Variants in TMEM135 observed in about 807,000 individuals in gnomAD.
TMEM135 encodes the protein peroxisomal membrane protein 52.
A neutral mutation model predicts 60.3 loss-of-function variants in TMEM135; 30 were observed. That is an observed-to-expected ratio of 0.50 (90% CI 0.37 to 0.68). The LOEUF is 0.68. Ranked by LOEUF, TMEM135 falls within the 30% of genes least tolerant of loss-of-function variation. The pLI, the probability that TMEM135 is intolerant of heterozygous loss-of-function variation, is 0.00. For synonymous variants in TMEM135, 190 were observed against 186.7 expected, an observed-to-expected ratio of 1.02 and a Z score of -0.14; for missense variants, 468 against 548.8, an observed-to-expected ratio of 0.85 and a Z score of 1.47.
intron 7 of TMEM135, among the ~76,000 whole-genome samples, chr11:87,297,067 A>C (rs1311178321): frequency 6.6e-6 from 1 of 152,210 alleles, no homozygotes; most frequent in Non-Finnish European, 1.5e-5. Context: ...GTCTGGCCGC[A>C]GTATTTGAGA....
At chr11:87,313,209 T>C (rs1177096382) in intron 10 of TMEM135, among the ~76,000 whole-genome samples, 1 of 151,842 alleles carries the variant, frequency 6.6e-6, no homozygotes, top group Non-Finnish European at 1.5e-5. Context: ...AATAAAAATA[T>C]TATGTGTAAT....
At chr11:87,179,337 T>G (rs1939459064) in intron 5 of TMEM135, among the ~76,000 whole-genome samples, 1 of 152,206 alleles carries the variant, frequency 6.6e-6, no homozygotes, top group Non-Finnish European at 1.5e-5. Context: ...TGTTTTCACT[T>G]TCTAAATAGT....
chr11:87,065,659 T>G (rs1856637667), intron 1 of TMEM135, among the ~76,000 whole-genome samples: 2 of 152,188 alleles, frequency 1.3e-5, no homozygotes, highest in Admixed American at 6.5e-5. Flanking sequence ...GAGAAAAAGT[T>G]TGAATTTTGA....
intron 1 of TMEM135, among the ~76,000 whole-genome samples, chr11:87,047,452 T>G (rs1272730699): frequency 6.6e-6 from 1 of 151,080 alleles, no homozygotes; most frequent in Non-Finnish European, 1.5e-5. Flanking sequence ...CAGGCCAGTG[T>G]GTGCGCGCAC....
At chr11:87,122,052 C>G (rs35470495) in intron 4 of TMEM135, among the ~76,000 whole-genome samples, 20,505 of 152,150 alleles carry the variant, frequency 0.13, 1,818 homozygotes, top group Middle Eastern at 0.2. Context: ...CTTGGCACAT[C>G]AACAGCGAAG....
At chr11:87,211,035 A>C (rs1481147364) in intron 5 of TMEM135, among the ~76,000 whole-genome samples, 1 of 152,216 alleles carries the variant, frequency 6.6e-6, no homozygotes, top group African/African-American at 2.4e-5. Context: ...CCCATAGCCA[A>C]TGTCATACTG....
intron 5 of TMEM135, among the ~76,000 whole-genome samples, chr11:87,199,427 C>T (rs1940044351): frequency 6.6e-6 from 1 of 152,150 alleles, no homozygotes; most frequent in African/African-American, 2.4e-5. Context: ...ATGGCCTCTA[C>T]CCAGAGCTCT....
At chr11:87,086,375 C>T (rs1857096424) in intron 3 of TMEM135, among the ~76,000 whole-genome samples, 1 of 152,170 alleles carries the variant, frequency 6.6e-6, no homozygotes, top group Admixed American at 6.6e-5. Context: ...TCTACGTGGC[C>T]CGCCTGTGTT....
chr11:87,309,772 T>G, intron 10 of TMEM135, 100 bp downstream of exon 10: 2 of 1,276,832 alleles, frequency 1.6e-6, no homozygotes, highest in Non-Finnish European at 2.2e-6. Context: ...AATGCTTCTT[T>G]CTGGAATATT....
chr11:87,076,811 A>G (rs926392453), intron 3 of TMEM135, among the ~76,000 whole-genome samples: 1 of 152,122 alleles, frequency 6.6e-6, no homozygotes, highest in African/African-American at 2.4e-5. Flanking sequence ...GGCCCAAGGT[A>G]TGTCTAGAAA....
intron 5 of TMEM135, among the ~76,000 whole-genome samples, chr11:87,192,907 GAGTTCAAGGCCAGC>G (rs1939846660): frequency 6.6e-6 from 1 of 152,138 alleles, no homozygotes; most frequent in Non-Finnish European, 1.5e-5. Flanking sequence ...TTGAGATCAG[GAGTTCAAGGCCAGC>G]CTGGCCAACA....
intron 1 of TMEM135, among the ~76,000 whole-genome samples, chr11:87,043,243 C>A (rs1212964731): frequency 6.6e-6 from 1 of 152,010 alleles, no homozygotes; most frequent in Non-Finnish European, 1.5e-5. Flanking sequence ...GAGTGAGCCA[C>A]TGGGCCCAGC....
intron 5 of TMEM135, among the ~76,000 whole-genome samples, chr11:87,171,768 C>T (rs1034830605): frequency 3.3e-5 from 5 of 152,122 alleles, no homozygotes; most frequent in African/African-American, 9.7e-5. Context: ...CCGGCTTCGT[C>T]GAAGACAATT....
chr11:87,206,275 A>T (rs1413208808), intron 5 of TMEM135, among the ~76,000 whole-genome samples: 1 of 152,206 alleles, frequency 6.6e-6, no homozygotes, highest in Non-Finnish European at 1.5e-5. Flanking sequence ...AATAGTAGTA[A>T]TACATGTATA....
intron 5 of TMEM135, among the ~76,000 whole-genome samples, chr11:87,216,353 C>A (rs754911203): frequency 6.6e-6 from 1 of 151,978 alleles, no homozygotes; most frequent in African/African-American, 2.4e-5. Context: ...TGCCTCTGAA[C>A]CTTTTTTTTT....
chr11:87,208,270 G>A (rs1363100159), intron 5 of TMEM135, among the ~76,000 whole-genome samples: 1 of 152,150 alleles, frequency 6.6e-6, no homozygotes, highest in African/African-American at 2.4e-5. Context: ...TGTGTGGCAA[G>A]GAAGCTCATC....
At chr11:87,103,436 T>G (rs75748112) in intron 4 of TMEM135, among the ~76,000 whole-genome samples, 1 of 151,976 alleles carries the variant, frequency 6.6e-6, no homozygotes, top group African/African-American at 2.4e-5. Flanking sequence ...TAATTTTTAG[T>G]GATGTTGAGC....
chr11:87,260,961 G>A (rs1300114020), intron 6 of TMEM135, among the ~76,000 whole-genome samples: 1 of 152,100 alleles, frequency 6.6e-6, no homozygotes, highest in Non-Finnish European at 1.5e-5. Flanking sequence ...TGGTCCTCGT[G>A]TCACACTCTG....
At position 87,327,690 on chromosome 11, in the gene TMEM135, A is replaced by G. The variant is rs1413525832; in HGVS notation, c.*6357A>G. On this transcript the variant is annotated 3_prime_UTR_variant, in exon 15 of 15. Transcript: ENST00000305494. ...GGTGGTCTGGCTCAGTACAAGTCCA[A>G]AAGCCTTGGAACCAGGGAAACTGAT... The G allele has an allele frequency of 4.4e-6, 2 of 453,908 alleles. No homozygotes were observed. The highest frequency in any genetic ancestry group is 2.4e-5 in the Admixed American group (1 of 42,530). 28.1% of individuals were successfully genotyped at this position (453,908 alleles called of 1,614,324 possible). A position where few individuals can be genotyped will look rare whatever the true frequency, so the allele number is the denominator to read the frequency against.
Sources: gnomAD v4.1 joint callset for allele counts (sites outside exome capture counted in the v4.1 genomes callset) on GRCh38, gnomAD v4.1.1 for gene constraint, MANE v1.5 for transcripts, NCBI Gene and HGNC (gene_info 2026-07-23, HGNC 2026-07-21) for gene names.